Variants in SHISA9 observed in about 807,000 individuals in gnomAD.
The protein encoded by SHISA9 is protein shisa-9.
In SHISA9, 13 loss-of-function variants were observed where a neutral mutation model predicts 38.0. The observed-to-expected ratio is 0.34, with a 90% CI of 0.22 to 0.54. SHISA9 has a LOEUF of 0.54. SHISA9 is among the 20% of genes least tolerant of loss of function. The probability of loss-of-function intolerance (pLI) is 0.91; values close to 1 mark genes in which losing one functional copy is unlikely to be tolerated. For missense variants in SHISA9, 538 were observed against 575.8 expected (o/e 0.93, Z 0.67); for synonymous variants, 275 against 242.0 (o/e 1.14, Z -1.27).
the SHISA9 span, among the ~76,000 whole-genome samples, chr16:13,389,152 T>G: frequency 6.6e-6 from 1 of 152,200 alleles, no homozygotes; most frequent in Non-Finnish European, 1.5e-5. Flanking sequence ...TGTATAATGA[T>G]GTGTATTTAC....
At chr16:13,528,448 T>C in the SHISA9 span, among the ~76,000 whole-genome samples, 2 of 151,954 alleles carry the variant, frequency 1.3e-5, no homozygotes, top group Non-Finnish European at 2.9e-5. Context: ...CACTGGAGCA[T>C]GTACTCTGAA....
chr16:13,407,891 T>G, the SHISA9 span, among the ~76,000 whole-genome samples: 2 of 152,312 alleles, frequency 1.3e-5, no homozygotes, highest in Admixed American at 1.3e-4. Context: ...CTTACAACCA[T>G]GAGGAGAAAG....
intron 1 of SHISA9, among the ~76,000 whole-genome samples, chr16:12,913,867 A>T (rs1420893203): frequency 6.6e-6 from 1 of 151,974 alleles, no homozygotes; most frequent in African/African-American, 2.4e-5. Flanking sequence ...CGGCTGGAGA[A>T]TATTCCATTT....
the SHISA9 span, among the ~76,000 whole-genome samples, chr16:13,277,048 G>A: frequency 2.6e-5 from 4 of 152,088 alleles, no homozygotes; most frequent in Admixed American, 6.6e-5. Flanking sequence ...ATAGTTTCAG[G>A]TATTAGGTTT....
chr16:13,555,994 A>G, the SHISA9 span, among the ~76,000 whole-genome samples: 1 of 152,162 alleles, frequency 6.6e-6, no homozygotes, highest in East Asian at 1.9e-4. Flanking sequence ...TTGTTAGAAA[A>G]ACAAAAGAGA....
chr16:13,418,380 G>T, the SHISA9 span, among the ~76,000 whole-genome samples: 2 of 152,164 alleles, frequency 1.3e-5, no homozygotes, highest in Admixed American at 6.5e-5. Flanking sequence ...GGAGATGGTT[G>T]GAATGGCTCA....
chr16:13,148,610 T>C (rs1280649894), intron 2 of SHISA9, among the ~76,000 whole-genome samples: 1 of 151,900 alleles, frequency 6.6e-6, no homozygotes, highest in Non-Finnish European at 1.5e-5. Context: ...TCTATATTCA[T>C]ATGCATACAT....
intron 2 of SHISA9, among the ~76,000 whole-genome samples, chr16:13,121,181 A>G (rs2050206801): frequency 6.6e-6 from 1 of 152,022 alleles, no homozygotes; most frequent in South Asian, 2.1e-4. Context: ...AATAAATTAA[A>G]ATAAATAAAT....
At chr16:13,333,808 GA>G in the SHISA9 span, among the ~76,000 whole-genome samples, 5 of 152,104 alleles carry the variant, frequency 3.3e-5, no homozygotes, top group African/African-American at 9.7e-5. Flanking sequence ...TGGGGAGGGG[GA>G]ATTTCTCCAG....
At chr16:13,188,200 A>G (rs1320415120) in intron 2 of SHISA9, among the ~76,000 whole-genome samples, 3 of 152,226 alleles carry the variant, frequency 2.0e-5, no homozygotes, top group Admixed American at 6.5e-5. Context: ...AGAGCAACCA[A>G]AATGTTGTTG....
chr16:13,544,194 G>A, the SHISA9 span, among the ~76,000 whole-genome samples: 9 of 150,628 alleles, frequency 6.0e-5, no homozygotes, highest in Non-Finnish European at 1.0e-4. Flanking sequence ...TCAATAGCAT[G>A]AGGCAGTATT....
the SHISA9 span, among the ~76,000 whole-genome samples, chr16:13,414,046 T>C: frequency 6.6e-6 from 1 of 151,450 alleles, no homozygotes; most frequent in Non-Finnish European, 1.5e-5. Flanking sequence ...CACTTGAGGT[T>C]CATCTTGTTA....
chr16:13,487,299 G>A, the SHISA9 span, among the ~76,000 whole-genome samples: 5 of 152,118 alleles, frequency 3.3e-5, no homozygotes, highest in Non-Finnish European at 4.4e-5. Flanking sequence ...CCCGAGACTC[G>A]GTAATTTATA....
chr16:13,223,659 C>A (rs1379340474), intron 4 of SHISA9, among the ~76,000 whole-genome samples: 1 of 152,064 alleles, frequency 6.6e-6, no homozygotes, highest in Non-Finnish European at 1.5e-5. Flanking sequence ...TAAAGATGTA[C>A]CTGAGACTGG....
intron 2 of SHISA9, among the ~76,000 whole-genome samples, chr16:13,062,708 G>A (rs568219736): frequency 8.5e-5 from 13 of 152,320 alleles, no homozygotes; most frequent in African/African-American, 3.1e-4. Context: ...TGGCTTGGCA[G>A]AGTAGAGTTA....
At chr16:13,472,683 TG>T in the SHISA9 span, among the ~76,000 whole-genome samples, 2,858 of 152,212 alleles carry the variant, frequency 0.019, 89 homozygotes, top group African/African-American at 0.066. Context: ...TGAGCCACAA[TG>T]CCCGGCCTCT....
the SHISA9 span, among the ~76,000 whole-genome samples, chr16:13,491,555 C>G: frequency 6.6e-6 from 1 of 152,042 alleles, no homozygotes. Context: ...GTGGCACCAT[C>G]TCAGCTCCTA....
At chr16:13,256,764 C>T in the SHISA9 span, among the ~76,000 whole-genome samples, 1 of 152,212 alleles carries the variant, frequency 6.6e-6, no homozygotes, top group Non-Finnish European at 1.5e-5. Context: ...ATTTCTTTTA[C>T]TACACGGTGT....
the SHISA9 span, among the ~76,000 whole-genome samples, chr16:13,420,426 G>A: frequency 1.2e-4 from 18 of 152,100 alleles, no homozygotes; most frequent in African/African-American, 3.9e-4. Context: ...GGGGATGGAA[G>A]CTATCACAGG....
Sources: allele counts gnomAD v4.1 joint callset (sites outside exome capture counted in the v4.1 genomes callset), GRCh38; gene constraint gnomAD v4.1.1; transcripts MANE v1.5; gene names NCBI Gene and HGNC (gene_info 2026-07-23, HGNC 2026-07-21).